MYOZ2: variants seen among roughly 807,000 people sequenced by gnomAD.
MYOZ2 encodes myozenin 2, also known as myozenin-2.
In MYOZ2, 19 loss-of-function variants were observed where a neutral mutation model predicts 25.4. That is an observed-to-expected ratio of 0.75 (90% confidence interval 0.52 to 1.10). MYOZ2 has a LOEUF of 1.10. MYOZ2 is among the 50% of genes least tolerant of loss of function. The pLI is 0.00. For synonymous variants in MYOZ2, 92 were observed against 106.9 expected (o/e 0.86, Z 0.86); for missense variants, 270 against 317.9 (o/e 0.85, Z 1.15).
intron 2 of MYOZ2, among the ~76,000 whole-genome samples, chr4:119,149,802 G>A (rs1741405433): frequency 6.6e-6 from 1 of 152,158 alleles, no homozygotes; most frequent in African/African-American, 2.4e-5. Context: ...ATAATTAGTG[G>A]ACTCCTCTAA....
chr4:119,169,299 C>G (rs1323583002), intron 5 of MYOZ2, among the ~76,000 whole-genome samples: 1 of 152,186 alleles, frequency 6.6e-6, no homozygotes, highest in Non-Finnish European at 1.5e-5. Context: ...GCAACTTGCT[C>G]TCTTGTGATA....
intron 2 of MYOZ2, among the ~76,000 whole-genome samples, chr4:119,143,315 C>A (rs1038332215): frequency 5.3e-5 from 8 of 152,008 alleles, no homozygotes; most frequent in African/African-American, 1.7e-4. Flanking sequence ...CCTGCTTCAG[C>A]CTCCCGAGTA....
chr4:119,164,067 C>T lies in MYOZ2; in HGVS notation c.377-144C>T, dbSNP rs1741765682. 5.4e-6 allele frequency: 4 copies of T among 745,842 alleles called. No individual in the cohort carries two copies. In the South Asian group the frequency reaches 6.5e-5, roughly 12 times the overall value. The allele number at this position is 745,842 out of a possible 1,614,324, so 46.2% of individuals were successfully genotyped here. On this transcript the variant is annotated intron_variant, in intron 4 of 5. Transcript: ENST00000307128. Reference sequence around the variant, plus strand: ...CTCTAAAATGTCTAACACTTGCAGACTGCTGTTTTCTAAGGGATCATGAAA... The same window carrying T: ...CTCTAAAATGTCTAACACTTGCAGATTGCTGTTTTCTAAGGGATCATGAAA...
chr4:119,160,332 A>G (rs1019777853), intron 4 of MYOZ2, among the ~76,000 whole-genome samples: 6 of 137,878 alleles, frequency 4.4e-5, no homozygotes, highest in Non-Finnish European at 8.0e-5. Context: ...TTTTTTTTTT[A>G]TTAAATAGGA....
At chr4:119,166,844 T>G (rs1264059647) in intron 5 of MYOZ2, among the ~76,000 whole-genome samples, 1 of 152,236 alleles carries the variant, frequency 6.6e-6, no homozygotes, top group African/African-American at 2.4e-5. Flanking sequence ...TAACTGTTTT[T>G]GGGATGTCAT....
chr4:119,186,139 C>G lies in MYOZ2; in HGVS notation c.734C>G (p.Pro245Arg). ...TPKGWISENI[P>R]IVITTEPTDD... ...AAGGGATGGATATCTGAGAATATTC[C>G]TATAGTGATAACAACCGAACCTACA... is the stretch of plus-strand genomic sequence containing the variant. Residue 245 changes from proline to arginine, a missense_variant, in exon 6 of 6, where the codon CCT (proline) becomes CGT (arginine). Physicochemically the swap from Pro to Arg is moderately radical, Grantham distance 103. Transcript: ENST00000307128. 1.2e-6 allele frequency: 2 copies of G among 1,613,930 alleles called. No homozygotes were observed. The highest frequency in any genetic ancestry group is 1.7e-6 in the Non-Finnish European group (2 of 1,179,946).
intron 1 of MYOZ2, 145 bp from the exon 2 acceptor site, chr4:119,136,367 A>G: frequency 1.4e-6 from 1 of 701,254 alleles, no homozygotes; most frequent in Non-Finnish European, 2.5e-6. Flanking sequence ...TCACCAGATA[A>G]GGAATGCGTA....
Position 119,164,182 on chromosome 4 carries a change from T to G in MYOZ2, c.377-29T>G, listed in dbSNP as rs776902045. The G allele has an allele frequency of 5.6e-6, 9 of 1,600,838 alleles. No homozygotes were observed. The African/African-American group carries it at 6.7e-5, about 12-fold the overall frequency. ...GGTTAGTAACTCTCGGGCACAGTAT[T>G]TACTTACTTTTGCTATATTTTTCCA... On this transcript the variant is annotated intron_variant, in intron 4 of 5. Coordinates refer to ENST00000307128, the MANE Select transcript of MYOZ2 (RefSeq NM_016599.5).
At chr4:119,175,059 C>T (rs1034662693) in intron 5 of MYOZ2, among the ~76,000 whole-genome samples, 8 of 151,998 alleles carry the variant, frequency 5.3e-5, no homozygotes, top group Admixed American at 4.6e-4. Context: ...AAACTCCAGA[C>T]ACGCCACTTT....
chr4:119,184,720 CA>C (rs1158504284), intron 5 of MYOZ2, among the ~76,000 whole-genome samples: 1 of 152,018 alleles, frequency 6.6e-6, no homozygotes, highest in Non-Finnish European at 1.5e-5. Flanking sequence ...TCAAACAAAG[CA>C]AAAAAGTTAT....
At position 119,164,178 on chromosome 4, in the gene MYOZ2, G is replaced by A. The variant is rs372488704; in HGVS notation, c.377-33G>A. ...TGGAGGTTAGTAACTCTCGGGCACAGTATTTACTTACTTTTGCTATATTTT... is the reference window on the plus strand; with the variant it reads ...TGGAGGTTAGTAACTCTCGGGCACAATATTTACTTACTTTTGCTATATTTT... On this transcript the variant is annotated intron_variant, in intron 4 of 5. Transcript: ENST00000307128. The A allele has an allele frequency of 3.9e-5, 62 of 1,593,242 alleles. No individual in the cohort carries two copies. In the East Asian group the frequency reaches 4.0e-4, roughly 10 times the overall value.
intron 2 of MYOZ2, among the ~76,000 whole-genome samples, chr4:119,147,579 A>G (rs1225750342): frequency 6.6e-6 from 1 of 151,882 alleles, no homozygotes; most frequent in Non-Finnish European, 1.5e-5. Context: ...CGTCCCTACT[A>G]AAAAAACAAA....
At chr4:119,165,673 C>G (rs374767768) in intron 5 of MYOZ2, among the ~76,000 whole-genome samples, 2 of 150,752 alleles carry the variant, frequency 1.3e-5, no homozygotes, top group East Asian at 3.9e-4. Context: ...GTTGGAGGCC[C>G]ATTCTGATCA....
intron 5 of MYOZ2, among the ~76,000 whole-genome samples, chr4:119,171,832 CACAAA>C (rs1215764757): frequency 3.3e-5 from 5 of 150,858 alleles, no homozygotes; most frequent in South Asian, 4.2e-4. Flanking sequence ...CACACACACA[CACAAA>C]ACAAAACAAA....
chr4:119,174,900 C>T (rs548219028), intron 5 of MYOZ2, among the ~76,000 whole-genome samples: 1 of 152,186 alleles, frequency 6.6e-6, no homozygotes, highest in African/African-American at 2.4e-5. Flanking sequence ...AGACCACGAG[C>T]CCACCAGGAG....
chr4:119,138,665 A>T (rs1439960101), intron 2 of MYOZ2, among the ~76,000 whole-genome samples: 1 of 152,200 alleles, frequency 6.6e-6, no homozygotes, highest in Non-Finnish European at 1.5e-5. Context: ...ATTGAAAAGG[A>T]TGTTCCAGTC....
intron 2 of MYOZ2, among the ~76,000 whole-genome samples, chr4:119,150,106 A>G (rs188024852): frequency 1.4e-4 from 22 of 152,310 alleles, no homozygotes; most frequent in African/African-American, 5.3e-4. Context: ...TGGATTTTGG[A>G]AAAACTGTTT....
chr4:119,148,804 G>A (rs1578728316), intron 2 of MYOZ2, among the ~76,000 whole-genome samples: 2 of 99,854 alleles, frequency 2.0e-5, no homozygotes, highest in South Asian at 3.2e-4. Context: ...TAAAGAATTT[G>A]TTTCAAGTGG....
intron 5 of MYOZ2, among the ~76,000 whole-genome samples, chr4:119,166,933 C>A (rs1168422134): frequency 6.6e-6 from 1 of 152,134 alleles, no homozygotes; most frequent in Non-Finnish European, 1.5e-5. Context: ...CCAGCCACTC[C>A]CCCATCTCTC....
Sources: gnomAD v4.1 joint callset for allele counts (sites outside exome capture counted in the v4.1 genomes callset) on GRCh38, gnomAD v4.1.1 for gene constraint, MANE v1.5 for transcripts, NCBI Gene and HGNC (gene_info 2026-07-23, HGNC 2026-07-21) for gene names.